Variants in TMEM117 observed in about 807,000 individuals in gnomAD.
TMEM117 encodes the protein transmembrane protein 117.
A neutral mutation model predicts 52.4 loss-of-function variants in TMEM117; 27 were observed. The observed-to-expected ratio is 0.51, with a 90% CI of 0.38 to 0.71. The LOEUF (loss-of-function observed/expected upper bound fraction) is 0.71. Ranked by LOEUF, TMEM117 falls within the 30% of genes least tolerant of loss-of-function variation. TMEM117 has a pLI of 0.00. For synonymous variants in TMEM117, 215 were observed against 206.3 expected (o/e 1.04, Z -0.36); for missense variants, 556 against 630.5 (o/e 0.88, Z 1.26).
intron 3 of TMEM117, among the ~76,000 whole-genome samples, chr12:44,124,608 G>T (rs148195855): frequency 5.3e-5 from 8 of 152,110 alleles, no homozygotes; most frequent in African/African-American, 1.7e-4. Flanking sequence ...AGTTTTTAAC[G>T]TGAAGAAATG....
chr12:44,171,160 C>T (rs913986882), intron 4 of TMEM117, among the ~76,000 whole-genome samples: 69 of 151,096 alleles, frequency 4.6e-4, no homozygotes, highest in African/African-American at 1.6e-3. Flanking sequence ...GGACTACAGG[C>T]GCCCGCCACT....
intron 2 of TMEM117, among the ~76,000 whole-genome samples, chr12:43,927,316 G>C: frequency 6.6e-6 from 1 of 151,942 alleles, no homozygotes; most frequent in East Asian, 1.9e-4. Context: ...CAATTTTAAA[G>C]CTTCCAATGC....
intron 2 of TMEM117, among the ~76,000 whole-genome samples, chr12:43,913,075 A>G (rs929366218): frequency 2.0e-5 from 3 of 152,202 alleles, no homozygotes; most frequent in East Asian, 1.9e-4. Context: ...AGGGCTACCA[A>G]TCCTTTTGAG....
At chr12:44,173,523 G>T (rs929462075) in intron 4 of TMEM117, among the ~76,000 whole-genome samples, 1 of 145,862 alleles carries the variant, frequency 6.9e-6, no homozygotes, top group African/African-American at 2.8e-5. Context: ...GGATGTGGAT[G>T]GTTTTCATAT....
intron 3 of TMEM117, among the ~76,000 whole-genome samples, chr12:43,958,749 G>C (rs1335355530): frequency 6.6e-6 from 1 of 151,980 alleles, no homozygotes; most frequent in African/African-American, 2.4e-5. Flanking sequence ...TGGCAGGAGA[G>C]AATATCTGAA....
chr12:44,263,210 C>T (rs2138545420), intron 5 of TMEM117, among the ~76,000 whole-genome samples: 1 of 152,142 alleles, frequency 6.6e-6, no homozygotes, highest in South Asian at 2.1e-4. Context: ...ATCTGCTTCT[C>T]TGTGGTGTTT....
In TMEM117 at chr12:44,388,539, C is replaced by G; in HGVS notation, c.1412C>G (p.Ser471Cys). The change falls in exon 8 of 8, where the codon TCT becomes TGT. Residue 471 changes from serine to cysteine, a missense_variant. By Grantham distance (112) the Ser-to-Cys change is moderately radical. This residue lies in a region of TMEM117 where 206 missense variants were observed against 211.1 expected (regional missense o/e 0.98). Transcript: ENST00000266534. ...LNDPSLVCIR[S>C]DFNEIVYKSS... ...GACCCTTCTTTGGTTTGCATCAGGT[C>G]TGACTTCAATGAGATCGTCTACAAG... 1 of 1,613,606 alleles carries G rather than the reference C, an allele frequency of 6.2e-7. No homozygotes were observed. The highest frequency in any genetic ancestry group is 8.5e-7 in the Non-Finnish European group (1 of 1,179,642).
chr12:43,862,191 T>C (rs1456457716), intron 2 of TMEM117, among the ~76,000 whole-genome samples: 1 of 152,140 alleles, frequency 6.6e-6, no homozygotes, highest in African/African-American at 2.4e-5. Context: ...TTTTTTGAGA[T>C]GGAGTCTTGT....
chr12:43,954,711 G>A (rs1945279846), intron 3 of TMEM117, among the ~76,000 whole-genome samples: 1 of 152,122 alleles, frequency 6.6e-6, no homozygotes, highest in East Asian at 1.9e-4. Flanking sequence ...GTACAAAGAG[G>A]AGCTGGTACC....
chr12:43,862,743 C>G (rs1205709354), intron 2 of TMEM117, among the ~76,000 whole-genome samples: 1 of 152,130 alleles, frequency 6.6e-6, no homozygotes, highest in African/African-American at 2.4e-5. Context: ...ATATTGAAAC[C>G]TGAAAGATGA....
chr12:44,342,676 C>T lies in TMEM117; in HGVS notation c.769-33919C>T, dbSNP rs1951433363. On this transcript the variant is annotated intron_variant, in intron 6 of 7. Coordinates refer to ENST00000266534, the MANE Select transcript of TMEM117 (RefSeq NM_032256.3). ...AAAAAAAGACTCATTAAATATCTAACAGTGGGCAAGTTTGCAGGTTTGGTT... is the reference window on the plus strand; with the variant it reads ...AAAAAAAGACTCATTAAATATCTAATAGTGGGCAAGTTTGCAGGTTTGGTT... Among the ~76,000 whole-genome samples the T allele has an allele frequency of 1.4e-5, 2 of 147,690 alleles. 1 individual carries two copies. The highest frequency in any genetic ancestry group is 4.3e-4 in the South Asian group (2 of 4,634).
chr12:44,115,808 C>G (rs1948131323), intron 3 of TMEM117, among the ~76,000 whole-genome samples: 1 of 152,196 alleles, frequency 6.6e-6, no homozygotes, highest in Non-Finnish European at 1.5e-5. Flanking sequence ...ACTCAAGAAA[C>G]TTAGAGTTAA....
chr12:43,918,350 A>T (rs552027125), intron 2 of TMEM117, among the ~76,000 whole-genome samples: 36 of 152,264 alleles, frequency 2.4e-4, no homozygotes, highest in African/African-American at 8.4e-4. Flanking sequence ...TTTTTAGAAC[A>T]TCTCTTGCAG....
At chr12:44,121,654 T>C (rs186858199) in intron 3 of TMEM117, among the ~76,000 whole-genome samples, 99 of 152,272 alleles carry the variant, frequency 6.5e-4, no homozygotes, top group African/African-American at 2.2e-3. Context: ...AGTAGCCTAT[T>C]AGTAGGTAAG....
chr12:44,000,972 TGTG>T (rs990188882), intron 3 of TMEM117, among the ~76,000 whole-genome samples: 7 of 152,074 alleles, frequency 4.6e-5, no homozygotes, highest in African/African-American at 1.4e-4. Context: ...GCTTTGAAGT[TGTG>T]GTGACTGATG....
chr12:44,141,096 A>T (rs1288761573), intron 3 of TMEM117, among the ~76,000 whole-genome samples: 2 of 152,034 alleles, frequency 1.3e-5, no homozygotes, highest in African/African-American at 2.4e-5. Context: ...AACAATTTTA[A>T]TTTTTTGATT....
At chr12:44,052,590 T>C (rs376009355) in intron 3 of TMEM117, among the ~76,000 whole-genome samples, 5 of 152,272 alleles carry the variant, frequency 3.3e-5, no homozygotes, top group East Asian at 1.9e-4. Flanking sequence ...TGGTCACTTA[T>C]GTTTCTACCC....
At chr12:43,917,778 T>A (rs895577604) in intron 2 of TMEM117, among the ~76,000 whole-genome samples, 8 of 152,202 alleles carry the variant, frequency 5.3e-5, no homozygotes, top group Non-Finnish European at 1.2e-4. Context: ...CAAACATTTT[T>A]ATGAGGATTT....
At chr12:44,114,272 G>T (rs1346574614) in intron 3 of TMEM117, among the ~76,000 whole-genome samples, 1 of 152,116 alleles carries the variant, frequency 6.6e-6, no homozygotes, top group Non-Finnish European at 1.5e-5. Context: ...TTATTTTAAA[G>T]AAAAATGACA....
Sources: gnomAD v4.1 joint callset for allele counts (sites outside exome capture counted in the v4.1 genomes callset) on GRCh38, gnomAD v4.1.1 for gene constraint, gnomAD v4.1.1 regional missense constraint, MANE v1.5 for transcripts, NCBI Gene and HGNC (gene_info 2026-07-23, HGNC 2026-07-21) for gene names.